Variants in PPP3CA observed in about 807,000 individuals in gnomAD.
PPP3CA encodes the protein CAM-PRP catalytic subunit.
Under a neutral mutation model 66.5 loss-of-function variants are expected in PPP3CA, and 14 were observed. The ratio of observed to expected loss-of-function variants is 0.21; its 90% CI spans 0.14 to 0.33. The LOEUF (loss-of-function observed/expected upper bound fraction) is 0.33. Ranked by LOEUF, PPP3CA falls within the 10% of genes least tolerant of loss-of-function variation. The pLI, the probability that PPP3CA is intolerant of heterozygous loss-of-function variation, is 1.00. For missense variants in PPP3CA, 317 were observed against 639.5 expected (o/e 0.50, Z 5.44); for synonymous variants, 232 against 226.2 (o/e 1.03, Z -0.23).
At chr4:101,259,083 T>C (rs1194951348) in intron 1 of PPP3CA, among the ~76,000 whole-genome samples, 1 of 152,112 alleles carries the variant, frequency 6.6e-6, no homozygotes, top group African/African-American at 2.4e-5. Flanking sequence ...TTAAATACTT[T>C]TATTGCTGCA....
At chr4:101,166,865 T>C (rs1344975381) in intron 2 of PPP3CA, among the ~76,000 whole-genome samples, 1 of 152,188 alleles carries the variant, frequency 6.6e-6, no homozygotes, top group East Asian at 1.9e-4. Flanking sequence ...GCCAAAACAT[T>C]ATGATTTATT....
intron 1 of PPP3CA, among the ~76,000 whole-genome samples, chr4:101,313,572 C>G (rs1490414651): frequency 6.6e-6 from 1 of 152,104 alleles, no homozygotes; most frequent in African/African-American, 2.4e-5. Flanking sequence ...CAGCCTGTCC[C>G]TAGTTTTCCT....
At chr4:101,279,642 A>G (rs1476033089) in intron 1 of PPP3CA, among the ~76,000 whole-genome samples, 1 of 152,224 alleles carries the variant, frequency 6.6e-6, no homozygotes, top group Non-Finnish European at 1.5e-5. Flanking sequence ...GCTTCAACTG[A>G]GCAGCCTGAT....
intron 1 of PPP3CA, among the ~76,000 whole-genome samples, chr4:101,283,978 G>T (rs540950535): frequency 6.6e-6 from 1 of 152,022 alleles, no homozygotes; most frequent in African/African-American, 2.4e-5. Context: ...ATGTAAAATC[G>T]AGTCTTGTAG....
intron 2 of PPP3CA, among the ~76,000 whole-genome samples, chr4:101,168,342 T>C (rs1402611473): frequency 6.6e-6 from 1 of 152,142 alleles, no homozygotes; most frequent in African/African-American, 2.4e-5. Context: ...ATGTTTAAAT[T>C]TGAGGTGTGT....
At chr4:101,269,820 G>C (rs1727281828) in intron 1 of PPP3CA, among the ~76,000 whole-genome samples, 1 of 152,060 alleles carries the variant, frequency 6.6e-6, no homozygotes, top group African/African-American at 2.4e-5. Context: ...AAATATGGCA[G>C]TACTACAGAA....
At chr4:101,288,659 A>G (rs546112272) in intron 1 of PPP3CA, among the ~76,000 whole-genome samples, 4 of 152,212 alleles carry the variant, frequency 2.6e-5, no homozygotes, top group African/African-American at 7.2e-5. Context: ...AAGGAGAAAT[A>G]AAGTTTAGCA....
At chr4:101,278,145 A>ATT (rs1727570241) in intron 1 of PPP3CA, among the ~76,000 whole-genome samples, 1 of 148,500 alleles carries the variant, frequency 6.7e-6, no homozygotes, top group Non-Finnish European at 1.5e-5. Context: ...AAAAATAAAA[A>ATT]AATTAAAAAG....
chr4:101,044,035 C>T (rs1727654066), intron 10 of PPP3CA, among the ~76,000 whole-genome samples: 1 of 152,160 alleles, frequency 6.6e-6, no homozygotes. Flanking sequence ...TACCTTCAAT[C>T]TTTTCCATAT....
At chr4:101,251,630 T>C (rs542111331) in intron 1 of PPP3CA, among the ~76,000 whole-genome samples, 63 of 152,164 alleles carry the variant, frequency 4.1e-4, no homozygotes, top group African/African-American at 1.4e-3. Flanking sequence ...AACAAAAAAC[T>C]TGTAGAGATT....
intron 2 of PPP3CA, among the ~76,000 whole-genome samples, chr4:101,142,110 A>G (rs1292369429): frequency 6.6e-6 from 1 of 152,208 alleles, no homozygotes; most frequent in African/African-American, 2.4e-5. Flanking sequence ...GTTTGGATAA[A>G]AATAATACAT....
At chr4:101,316,064 T>G (rs1349081593) in intron 1 of PPP3CA, among the ~76,000 whole-genome samples, 1 of 151,964 alleles carries the variant, frequency 6.6e-6, no homozygotes, top group Non-Finnish European at 1.5e-5. Context: ...ATCTCAAAAG[T>G]AACATTCAGC....
At chr4:101,128,786 A>G (rs868345103) in intron 2 of PPP3CA, among the ~76,000 whole-genome samples, 11 of 152,172 alleles carry the variant, frequency 7.2e-5, no homozygotes, top group African/African-American at 2.6e-4. Context: ...GCTACACCAC[A>G]AGGGCCCTGG....
chr4:101,292,487 G>A (rs1463695156), intron 1 of PPP3CA, among the ~76,000 whole-genome samples: 1 of 152,084 alleles, frequency 6.6e-6, no homozygotes, highest in East Asian at 1.9e-4. Context: ...TCTTCTTTGT[G>A]GGTCGAAATA....
chr4:101,345,239 G>A (rs762774689), intron 1 of PPP3CA, among the ~76,000 whole-genome samples: 1 of 152,178 alleles, frequency 6.6e-6, no homozygotes, highest in East Asian at 1.9e-4. Context: ...TGAAAAAAGG[G>A]AACGTAATTT....
intron 2 of PPP3CA, among the ~76,000 whole-genome samples, chr4:101,116,030 C>T (rs548667747): frequency 3.9e-5 from 6 of 152,008 alleles, no homozygotes; most frequent in South Asian, 2.1e-4. Context: ...GTCAATACTA[C>T]GATTTAGAAG....
intron 2 of PPP3CA, among the ~76,000 whole-genome samples, chr4:101,143,385 T>C (rs530259347): frequency 5.3e-5 from 8 of 152,308 alleles, no homozygotes; most frequent in Non-Finnish European, 1.0e-4. Context: ...GGTCATAAAG[T>C]TTTCCCTTGT....
intron 1 of PPP3CA, among the ~76,000 whole-genome samples, chr4:101,286,038 G>A (rs1194483661): frequency 6.6e-6 from 1 of 152,182 alleles, no homozygotes; most frequent in Non-Finnish European, 1.5e-5. Flanking sequence ...GGGGGTGGAT[G>A]GATGGTTTCA....
chr4:101,241,921 TA>T (rs1726323478), intron 1 of PPP3CA, among the ~76,000 whole-genome samples: 1 of 152,136 alleles, frequency 6.6e-6, no homozygotes, highest in Admixed American at 6.6e-5. Flanking sequence ...TATTTTCAGG[TA>T]AAATCAATTC....
Sources: gnomAD v4.1 joint callset for allele counts (sites outside exome capture counted in the v4.1 genomes callset) on GRCh38, gnomAD v4.1.1 for gene constraint, MANE v1.5 for transcripts, NCBI Gene and HGNC (gene_info 2026-07-23, HGNC 2026-07-21) for gene names.